Variants in ZBTB7A observed in about 807,000 individuals in gnomAD.
ZBTB7A encodes zinc finger and BTB domain containing 7A, also known as zinc finger and BTB domain-containing protein 7A.
Under a neutral mutation model 26.7 loss-of-function variants are expected in ZBTB7A, and 7 were observed. The ratio of observed to expected loss-of-function variants is 0.26; its 90% CI spans 0.15 to 0.49. The LOEUF is 0.49. Ranked by LOEUF, ZBTB7A falls within the 20% of genes least tolerant of loss-of-function variation. The pLI is 0.98. For synonymous variants in ZBTB7A, 452 were observed against 441.0 expected, an observed-to-expected ratio of 1.02 and a Z score of -0.31; for missense variants, 617 against 919.5, an observed-to-expected ratio of 0.67 and a Z score of 4.25.
intron 1 of ZBTB7A, among the ~76,000 whole-genome samples, chr19:4,065,919 G>C (rs2040691646): frequency 7.0e-6 from 1 of 141,976 alleles, no homozygotes; most frequent in Admixed American, 6.9e-5. Context: ...TGGCGGGCTG[G>C]CCCCGCCCCC....
Position 4,054,468 on chromosome 19 carries a change from A to G in ZBTB7A, c.765T>C (p.Gly255=), listed in dbSNP as rs1170940624. ...GCGGGGCCACCGGCGGCGGAAAGAGACCCCCGGTGGGGGCGTCCTCATCCC... is the reference window on the plus strand; with the variant it reads ...GCGGGGCCACCGGCGGCGGAAAGAGGCCCCCGGTGGGGGCGTCCTCATCCC... ...PERDEDAPTG[G]LFPPPVAPPA... The change falls in exon 2 of 3, where the codon GGT becomes GGC. Residue 255 remains glycine, a synonymous_variant. Coordinates refer to ENST00000322357, the MANE Select transcript of ZBTB7A (RefSeq NM_015898.4). 1 of 1,357,220 alleles carries G rather than the reference A, an allele frequency of 7.4e-7. No homozygotes were observed. The highest frequency in any genetic ancestry group is 9.4e-7 in the Non-Finnish European group (1 of 1,063,382). The allele number at this position is 1,357,220 out of a possible 1,614,324, so 84.1% of individuals were successfully genotyped here.
intron 1 of ZBTB7A, among the ~76,000 whole-genome samples, chr19:4,060,094 G>A (rs924707027): frequency 1.3e-5 from 2 of 152,122 alleles, no homozygotes. Flanking sequence ...GCTGGCCTCC[G>A]TGGGATTTCC....
Position 4,055,062 on chromosome 19 carries a change from C to T in ZBTB7A, c.171G>A (p.Gln57=), listed in dbSNP as rs766419136. 1.1e-5 allele frequency: 17 copies of T among 1,610,610 alleles called. No homozygotes were observed. The East Asian group carries it at 2.5e-4, about 23-fold the overall frequency. Residue 57 remains glutamine, a synonymous_variant, in exon 2 of 3, where the codon CAG becomes CAA. Transcript: ENST00000322357. ...CCGACGTGAACAGCTTCTTGAAGTA[C>T]TGGCTGCAGGCGGCCAGCACCGAGC... ...THRSVLAACS[Q]YFKKLFTSGA...
chr19:4,063,701 C>T (rs746537394), intron 1 of ZBTB7A, among the ~76,000 whole-genome samples: 5 of 152,184 alleles, frequency 3.3e-5, no homozygotes, highest in Admixed American at 6.5e-5. Flanking sequence ...GGTGGGCAGG[C>T]GCCCCTGGGC....
rs1394421582 is a variant in ZBTB7A, at chr19:4,052,241, C to A, written c.1262+1730G>T. On this transcript the variant is annotated intron_variant, in intron 2 of 2. Transcript: ENST00000322357. This position sits in a 1 kb window ranked among gnomAD's most constrained non-coding sequence, Gnocchi z 4.9. Reference sequence around the variant, plus strand: ...GAGGCAGGGTGGGGGTCACCACCTTCGCTCAGCCTGGTCCCCTCTGCAGAC... The same window carrying A: ...GAGGCAGGGTGGGGGTCACCACCTTAGCTCAGCCTGGTCCCCTCTGCAGAC... Among the ~76,000 whole-genome samples, 1 of 152,164 alleles carries A rather than the reference C, an allele frequency of 6.6e-6. No homozygotes were observed. The highest frequency in any genetic ancestry group is 1.5e-5 in the Non-Finnish European group (1 of 68,008).
At chr19:4,063,845 T>G (rs2040663716) in intron 1 of ZBTB7A, among the ~76,000 whole-genome samples, 1 of 152,172 alleles carries the variant, frequency 6.6e-6, no homozygotes, top group African/African-American at 2.4e-5. Context: ...CCCTGCCTAG[T>G]ACCGGCACCT....
chr19:4,061,182 G>A (rs906616184), intron 1 of ZBTB7A, among the ~76,000 whole-genome samples: 3 of 152,202 alleles, frequency 2.0e-5, no homozygotes, highest in African/African-American at 7.2e-5. Flanking sequence ...CCTCACGGAT[G>A]GGAACTTTGC....
intron 1 of ZBTB7A, among the ~76,000 whole-genome samples, chr19:4,066,290 G>C (rs2145014852): frequency 7.0e-6 from 1 of 142,820 alleles, no homozygotes; most frequent in African/African-American, 2.6e-5. Context: ...AGCGCCCCTC[G>C]TCTTCAGCTG....
chr19:4,047,812 ACCT>A lies in ZBTB7A; in HGVS notation c.1692_1694del (p.Gly565del). On this transcript the variant is annotated inframe_deletion, in exon 3 of 3. Coordinates refer to ENST00000322357, the MANE Select transcript of ZBTB7A (RefSeq NM_015898.4). ...CGGCCCCGGGGCCACCTCCGCTGTC[ACCT>A]CCTCCACCGGCGCCCGCTACATTCA... The A allele has an allele frequency of 1.2e-6, 2 of 1,600,466 alleles. No individual in the cohort carries two copies. The highest frequency in any genetic ancestry group is 1.7e-6 in the Non-Finnish European group (2 of 1,174,686).
Position 4,054,057 on chromosome 19 carries a change from C to T in ZBTB7A, c.1176G>A (p.Gln392=), listed in dbSNP as rs766263062. The change falls in exon 2 of 3, where the codon CAG becomes CAA. Residue 392 remains glutamine, a synonymous_variant. Transcript: ENST00000322357. The part of the protein sequence containing the change: ...QKCPICEKVI[Q]GAGKLPRHIR... ...TGTGTCGCGGCAGCTTGCCGGCGCC[C>T]TGGATGACCTTCTCGCAGATGGGGC... The T allele has an allele frequency of 1.2e-6, 2 of 1,612,444 alleles. No individual in the cohort carries two copies. Among genetic ancestry groups the T allele is most frequent in the Non-Finnish European group, 1.7e-6 (2 of 1,179,902 alleles).
intron 1 of ZBTB7A, among the ~76,000 whole-genome samples, chr19:4,059,381 CG>C (rs1449834746): frequency 6.6e-6 from 1 of 152,110 alleles, no homozygotes; most frequent in African/African-American, 2.4e-5. Context: ...AGGTTGGGTC[CG>C]GGGGTCCCAG....
intron 1 of ZBTB7A, among the ~76,000 whole-genome samples, chr19:4,059,982 C>T (rs1044564397): frequency 5.9e-5 from 9 of 152,068 alleles, no homozygotes; most frequent in African/African-American, 1.9e-4. Flanking sequence ...CAGGAAGCCC[C>T]GGCCCCACGC....
Position 4,054,818 on chromosome 19 carries a change from C to G in ZBTB7A, c.415G>C (p.Asp139His), listed in dbSNP as rs2144993326. 1 of 1,597,552 alleles carries G rather than the reference C, an allele frequency of 6.3e-7. No homozygotes were observed. Among genetic ancestry groups the G allele is most frequent in the Non-Finnish European group, 8.5e-7 (1 of 1,172,038 alleles). ...RQILAADAGA[D>H]AGQLDLVDQI... is the part of the protein sequence containing the mutation. ...TCTACAAGGTCCAGCTGCCCGGCGT[C>G]GGCGCCCGCGTCGGCCGCCAGGATC... The change falls in exon 2 of 3, where the codon GAC becomes CAC. Residue 139 changes from aspartate to histidine, a missense_variant. Asp to His is a moderately conservative substitution (Grantham distance 81, BLOSUM62 -1). Transcript: ENST00000322357.
intron 1 of ZBTB7A, chr19:4,065,475 G>T: frequency 6.8e-6 from 1 of 146,306 alleles, no homozygotes; most frequent in South Asian, 1.8e-4. Flanking sequence ...CGGCGGCGGC[G>T]GTGGCGGCGG....
chr19:4,048,163 G>C lies in ZBTB7A; in HGVS notation c.1344C>G (p.Ala448=), dbSNP rs1599247885. Residue 448 remains alanine (A), a synonymous_variant, in exon 3 of 3, where the codon GCC becomes GCG. Coordinates refer to ENST00000322357, the MANE Select transcript of ZBTB7A (RefSeq NM_015898.4). This position sits in a 1 kb window ranked among gnomAD's most constrained non-coding sequence, Gnocchi z 6.7. ...TGTGGTTCTTCAGGTCGTAGTTGTG[G>C]GCAAAGGCGGCGCCGCACTGCTGGC... The part of the protein sequence containing the change: ...YLCQQCGAAF[A]HNYDLKNHMR... The C allele has an allele frequency of 6.2e-7, 1 of 1,608,428 alleles. No homozygotes were observed. Among genetic ancestry groups the C allele is most frequent in the South Asian group, 1.1e-5 (1 of 90,582 alleles).
chr19:4,051,153 G>A (rs1462343098), intron 2 of ZBTB7A, among the ~76,000 whole-genome samples: 1 of 145,470 alleles, frequency 6.9e-6, no homozygotes, highest in East Asian at 2.0e-4. Flanking sequence ...CCCATTGAGT[G>A]ATGCCAATCT....
intron 1 of ZBTB7A, chr19:4,061,632 T>C (rs2040639186): frequency 6.6e-6 from 1 of 152,064 alleles, no homozygotes; most frequent in African/African-American, 2.4e-5. Flanking sequence ...TACGTGTCCA[T>C]TTATTGCCCT....
intron 2 of ZBTB7A, among the ~76,000 whole-genome samples, chr19:4,049,867 A>G (rs1224002018): frequency 2.0e-5 from 3 of 151,846 alleles, no homozygotes; most frequent in African/African-American, 4.8e-5. Flanking sequence ...TTTGGGCTCA[A>G]ATGTCACCTC....
Position 4,048,754 on chromosome 19 carries a change from G to A in ZBTB7A, c.1263-510C>T, listed in dbSNP as rs767162226. 6.6e-6 allele frequency among the ~76,000 whole-genome samples: 1 copy of A among 152,024 alleles called. No homozygotes were observed. Among genetic ancestry groups the A allele is most frequent in the Non-Finnish European group, 1.5e-5 (1 of 67,994 alleles). On this transcript the variant is annotated intron_variant, in intron 2 of 2. Coordinates refer to ENST00000322357, the MANE Select transcript of ZBTB7A (RefSeq NM_015898.4). This position sits in a 1 kb window ranked among gnomAD's most constrained non-coding sequence, Gnocchi z 6.7. ...CGTAATGCCAGCTATTAGGAAGGCT[G>A]AGGCAGGAGGATCACTTGTATCTGG...
Sources: gnomAD v4.1 joint callset for allele counts (sites outside exome capture counted in the v4.1 genomes callset) on GRCh38, gnomAD v4.1.1 for gene constraint, Gnocchi (gnomAD v3.1) non-coding constraint, MANE v1.5 for transcripts, NCBI Gene and HGNC (gene_info 2026-07-23, HGNC 2026-07-21) for gene names.